Variants in TANC1 observed in about 807,000 individuals in gnomAD.
TANC1 encodes the protein tetratricopeptide repeat, ankyrin repeat and coiled-coil containing 1.
In TANC1, 77 loss-of-function variants were observed where a neutral mutation model predicts 149.7. The observed-to-expected ratio is 0.51, with a 90% CI of 0.43 to 0.62. TANC1 has a LOEUF of 0.62. Ranked by LOEUF, TANC1 falls within the 20% of genes least tolerant of loss-of-function variation. The pLI is 0.00. For synonymous variants in TANC1, 854 were observed against 925.0 expected, an observed-to-expected ratio of 0.92 and a Z score of 1.39; for missense variants, 1,985 against 2,321.8, an observed-to-expected ratio of 0.85 and a Z score of 2.98.
intron 19 of TANC1, among the ~76,000 whole-genome samples, chr2:159,204,565 G>A (rs991610708): frequency 6.6e-6 from 1 of 152,138 alleles, no homozygotes; most frequent in Non-Finnish European, 1.5e-5. Flanking sequence ...CTGCCCTGTC[G>A]TGGTCACCTC....
chr2:159,055,243 AGAG>A (rs2041764227), intron 2 of TANC1, among the ~76,000 whole-genome samples: 1 of 152,208 alleles, frequency 6.6e-6, no homozygotes, highest in Non-Finnish European at 1.5e-5. Context: ...GAGTTATGTG[AGAG>A]GAGGAGACCA....
chr2:159,230,540 T>A lies in TANC1; in HGVS notation c.5114T>A (p.Val1705Asp). 3.7e-6 allele frequency: 6 copies of A among 1,614,162 alleles called. No homozygotes were observed. Among genetic ancestry groups the A allele is most frequent in the Non-Finnish European group, 4.2e-6 (5 of 1,180,036 alleles). Residue 1705 changes from valine (V) to aspartate (D), a missense_variant, in exon 27 of 27, where the codon GTT (valine) becomes GAT (aspartate). Coordinates refer to ENST00000263635, the MANE Select transcript of TANC1 (RefSeq NM_033394.3). This position sits in a 1 kb window ranked among gnomAD's most constrained non-coding sequence, Gnocchi z 4.4. ...CCAGATACTAGAATTAAAGACAAGG[T>A]TGTAACCCACGTTCAGAGCGGTACA... ...QGPDTRIKDK[V>D]VTHVQSGTAE...
intron 24 of TANC1, 50 bp downstream of exon 24, chr2:159,225,829 C>T (rs1425477711): frequency 8.1e-6 from 11 of 1,361,204 alleles, no homozygotes; most frequent in Non-Finnish European, 1.0e-5. Flanking sequence ...TGGGAGCACC[C>T]TCTTAATTGG....
At chr2:159,119,116 T>C (rs1277668884) in intron 4 of TANC1, among the ~76,000 whole-genome samples, 1 of 152,232 alleles carries the variant, frequency 6.6e-6, no homozygotes, top group Non-Finnish European at 1.5e-5. Context: ...TTCTTTGGTA[T>C]AGGCAGATTG....
At chr2:159,062,463 C>G (rs2042300619) in intron 2 of TANC1, among the ~76,000 whole-genome samples, 1 of 152,122 alleles carries the variant, frequency 6.6e-6, no homozygotes, top group South Asian at 2.1e-4. Context: ...AGTGTTCACC[C>G]TTTTAGGGGA....
chr2:159,181,231 T>C (rs1312683099), intron 14 of TANC1, among the ~76,000 whole-genome samples: 1 of 152,190 alleles, frequency 6.6e-6, no homozygotes, highest in African/African-American at 2.4e-5. Context: ...ATTTTCATTT[T>C]TCATGGTTGT....
chr2:159,047,420 G>A (rs565431171), intron 2 of TANC1, among the ~76,000 whole-genome samples: 8 of 152,106 alleles, frequency 5.3e-5, no homozygotes, highest in Non-Finnish European at 1.0e-4. Flanking sequence ...ATTCCACCGT[G>A]AAAGAAAAAT....
At chr2:159,183,997 G>A (rs1304548753) in intron 14 of TANC1, among the ~76,000 whole-genome samples, 5 of 152,176 alleles carry the variant, frequency 3.3e-5, no homozygotes, top group African/African-American at 9.7e-5. Context: ...AGGTGTAGCT[G>A]TGAATGAATG....
In TANC1 at chr2:159,048,781, T is replaced by C. The variant is rs113012931; in HGVS notation, c.-15-17115T>C. 2.3e-3 allele frequency among the ~76,000 whole-genome samples: 350 copies of C among 151,706 alleles called. 3 individuals carry two copies. Among genetic ancestry groups the C allele is most frequent in the African/African-American group, 7.8e-3 (323 of 41,508 alleles). On this transcript the variant is annotated intron_variant, in intron 2 of 26. Transcript: ENST00000263635. ...CAGAACCTTTTTGGGTATAGGCGGG[T>C]GAACAAAAGCAGAGTCTACTGAAGT...
chr2:159,135,813 C>A (rs73002928), intron 4 of TANC1, among the ~76,000 whole-genome samples: 1,651 of 152,318 alleles, frequency 0.011, 31 homozygotes, highest in African/African-American at 0.037. Context: ...GAAAATCAAA[C>A]CCTTCATCAC....
chr2:159,044,274 G>A (rs2040873783), intron 2 of TANC1, among the ~76,000 whole-genome samples: 1 of 151,878 alleles, frequency 6.6e-6, no homozygotes, highest in Admixed American at 6.6e-5. Context: ...AAACCAAACA[G>A]AACAAAACAA....
intron 24 of TANC1, chr2:159,227,162 G>A (rs2060068475): frequency 5.7e-5 from 1 of 17,452 alleles, no homozygotes; most frequent in East Asian, 1.2e-3. Flanking sequence ...TTGAAATTGA[G>A]TTGAGTGTAT....
chr2:159,211,832 G>C (rs1231605030), intron 19 of TANC1, among the ~76,000 whole-genome samples: 2 of 152,170 alleles, frequency 1.3e-5, no homozygotes, highest in Non-Finnish European at 2.9e-5. Context: ...TTTTAAGCCT[G>C]AGCATAGTCT....
intron 2 of TANC1, among the ~76,000 whole-genome samples, chr2:159,025,175 T>C (rs1479776315): frequency 2.7e-5 from 4 of 149,048 alleles, no homozygotes; most frequent in Admixed American, 6.7e-5. Flanking sequence ...TCTTTCTTTC[T>C]TTCTTTTTCT....
chr2:159,092,318 C>T (rs895975671), intron 3 of TANC1, among the ~76,000 whole-genome samples: 1 of 152,032 alleles, frequency 6.6e-6, no homozygotes, highest in South Asian at 2.1e-4. Flanking sequence ...GCCTTCGTTG[C>T]CCTCATTTTT....
At chr2:159,113,996 A>G (rs2047998728) in intron 4 of TANC1, among the ~76,000 whole-genome samples, 1 of 152,232 alleles carries the variant, frequency 6.6e-6, no homozygotes, top group Non-Finnish European at 1.5e-5. Context: ...TTCTGTGGGA[A>G]GGGTCTTGCC....
intron 4 of TANC1, among the ~76,000 whole-genome samples, chr2:159,134,261 A>G (rs183726203): frequency 7.2e-5 from 11 of 152,300 alleles, no homozygotes; most frequent in Admixed American, 6.5e-4. Flanking sequence ...AAGGAACACT[A>G]GAATCAAGGA....
In TANC1 at chr2:159,110,300, T is replaced by C. The variant is rs948944002; in HGVS notation, c.259+12466T>C. Among the ~76,000 whole-genome samples the C allele has an allele frequency of 2.0e-5, 3 of 152,198 alleles. 1 individual carries two copies. In the South Asian group the frequency reaches 6.2e-4, roughly 32 times the overall value. On this transcript the variant is annotated intron_variant, in intron 4 of 26. Transcript: ENST00000263635. ...AGTGTGTATACAGGGTTCAGTACTA[T>C]CCTCAGTTTCCACTGGAGGCCTTGG...
intron 3 of TANC1, among the ~76,000 whole-genome samples, chr2:159,080,835 C>T (rs553233108): frequency 1.1e-4 from 17 of 152,300 alleles, no homozygotes; most frequent in Non-Finnish European, 2.1e-4. Flanking sequence ...TGATGCCTTC[C>T]GTGGCACTGT....
Sources: allele counts gnomAD v4.1 joint callset (sites outside exome capture counted in the v4.1 genomes callset), GRCh38; gene constraint gnomAD v4.1.1; non-coding constraint Gnocchi (gnomAD v3.1); transcripts MANE v1.5; gene names NCBI Gene and HGNC (gene_info 2026-07-23, HGNC 2026-07-21).